The following STXBP5 variants were observed in gnomAD, a reference collection of about 807,000 sequenced individuals.
The protein encoded by STXBP5 is syntaxin-binding protein 5.
In STXBP5, 50 loss-of-function variants were observed where a neutral mutation model predicts 152.4. The ratio of observed to expected loss-of-function variants is 0.33; its 90% CI spans 0.26 to 0.42. The LOEUF is 0.42. STXBP5 is among the 10% of genes least tolerant of loss of function. The probability of loss-of-function intolerance (pLI) is 1.00; values close to 1 mark genes in which losing one functional copy is unlikely to be tolerated. For synonymous variants in STXBP5, 492 were observed against 494.7 expected (o/e 0.99, Z 0.07); for missense variants, 1,167 against 1,388.6 (o/e 0.84, Z 2.54).
At chr6:147,240,658 A>G (rs1778496524) in intron 4 of STXBP5, among the ~76,000 whole-genome samples, 1 of 152,222 alleles carries the variant, frequency 6.6e-6, no homozygotes, top group Non-Finnish European at 1.5e-5. Context: ...TGAGAACAGT[A>G]TAGTTATAAC....
intron 26 of STXBP5, among the ~76,000 whole-genome samples, chr6:147,381,748 G>A (rs1414096975): frequency 1.3e-5 from 2 of 152,062 alleles, no homozygotes; most frequent in Non-Finnish European, 2.9e-5. Context: ...AATAACCTTT[G>A]ACGTTACTCT....
intron 22 of STXBP5, among the ~76,000 whole-genome samples, chr6:147,356,858 A>G (rs531366514): frequency 5.9e-5 from 9 of 152,296 alleles, no homozygotes; most frequent in South Asian, 2.1e-4. Flanking sequence ...TTCTTTCACA[A>G]TAGCATTGAA....
intron 16 of STXBP5, among the ~76,000 whole-genome samples, chr6:147,317,941 G>A (rs570463705): frequency 5.3e-4 from 80 of 151,930 alleles, no homozygotes; most frequent in Admixed American, 1.9e-3. Flanking sequence ...TTGTCTTTGG[G>A]GCATTTTTTG....
chr6:147,339,239 G>GTA lies in STXBP5; in HGVS notation c.2206+4_2206+5dup. The GTA allele has an allele frequency of 2.0e-6, 3 of 1,530,276 alleles. No individual in the cohort carries two copies. Among genetic ancestry groups the GTA allele is most frequent in the Non-Finnish European group, 2.6e-6 (3 of 1,138,444 alleles). The allele number at this position is 1,530,276 out of a possible 1,614,324, so 94.8% of individuals were successfully genotyped here. On this transcript the variant is annotated splice_donor_variant, in intron 20 of 27. Coordinates refer to ENST00000321680, the MANE Select transcript of STXBP5 (RefSeq NM_001127715.4). LOFTEE classifies it high-confidence loss of function. The stretch of plus-strand genomic sequence containing the variant: ...AAAATGAATAATTTTATAGAAAAGG[G>GTA]TATAGTATCTTGATTTTAAAGTATT...
intron 7 of STXBP5, among the ~76,000 whole-genome samples, chr6:147,276,601 C>T (rs1780453655): frequency 1.3e-5 from 2 of 151,966 alleles, no homozygotes; most frequent in African/African-American, 2.4e-5. Context: ...TTTGTATTTT[C>T]CCTTATGAAT....
chr6:147,346,924 C>T (rs894885067), intron 21 of STXBP5, among the ~76,000 whole-genome samples: 2 of 152,176 alleles, frequency 1.3e-5, no homozygotes, highest in Non-Finnish European at 2.9e-5. Context: ...GTGAGCCCCA[C>T]GTTTCTCCCA....
intron 18 of STXBP5, chr6:147,328,908 C>T (rs373845796): frequency 7.8e-5 from 25 of 321,498 alleles, no homozygotes; most frequent in South Asian, 4.9e-4. Context: ...TTAGATTCAT[C>T]TCATGACATG....
chr6:147,244,149 A>T (rs1778684240), intron 4 of STXBP5, among the ~76,000 whole-genome samples: 1 of 152,206 alleles, frequency 6.6e-6, no homozygotes, highest in South Asian at 2.1e-4. Flanking sequence ...TAATCAAGAG[A>T]TTATTTAATG....
At chr6:147,224,514 A>T (rs1777614163) in intron 2 of STXBP5, among the ~76,000 whole-genome samples, 2 of 152,248 alleles carry the variant, frequency 1.3e-5, no homozygotes, top group African/African-American at 4.8e-5. Flanking sequence ...CCTCACACTG[A>T]TCAGGTTAAG....
chr6:147,333,871 T>C (rs928715734), intron 18 of STXBP5, among the ~76,000 whole-genome samples: 2 of 152,236 alleles, frequency 1.3e-5, no homozygotes, highest in East Asian at 3.8e-4. Context: ...TGCAGGGGTT[T>C]TTATAACGTC....
intron 11 of STXBP5, 66 bp from the exon 12 acceptor site, chr6:147,313,818 T>C: frequency 9.3e-7 from 1 of 1,078,748 alleles, no homozygotes; most frequent in Non-Finnish European, 1.3e-6. Flanking sequence ...AAGTTTTTAT[T>C]TTTGTATTAA....
rs111396740 is a variant in STXBP5, at chr6:147,307,579, A to C, written c.918-2505A>C. ...TTTTTTAAGATAATTATTAATATTT[A>C]CTCTTCAAGTTTGAGGCATTATAAT... On this transcript the variant is annotated intron_variant, in intron 9 of 27. Coordinates refer to ENST00000321680, the MANE Select transcript of STXBP5 (RefSeq NM_001127715.4). Among the ~76,000 whole-genome samples, 49 of 152,174 alleles carry C rather than the reference A, an allele frequency of 3.2e-4. 1 individual carries two copies. The highest frequency in any genetic ancestry group is 1.2e-3 in the African/African-American group (48 of 41,530).
Position 147,204,480 on chromosome 6 carries a change from C to G in STXBP5, c.-53C>G. On this transcript the variant is annotated 5_prime_UTR_variant, in exon 1 of 28. Coordinates refer to ENST00000321680, the MANE Select transcript of STXBP5 (RefSeq NM_001127715.4). The surrounding 1 kb of genome is among the most constrained non-coding windows in gnomAD (Gnocchi z 4.3). Reference sequence around the variant, plus strand: ...TCGGCCCCGGGTGGTCTCCCCCGCCCGGGGACCCCCTGTGCCTCCCCTCCC... The same window carrying G: ...TCGGCCCCGGGTGGTCTCCCCCGCCGGGGGACCCCCTGTGCCTCCCCTCCC... The G allele has an allele frequency of 1.3e-6, 2 of 1,588,258 alleles. No homozygotes were observed. The highest frequency in any genetic ancestry group is 1.7e-6 in the Non-Finnish European group (2 of 1,168,722).
chr6:147,305,743 A>T (rs1046083609), intron 9 of STXBP5, among the ~76,000 whole-genome samples: 18 of 152,226 alleles, frequency 1.2e-4, no homozygotes, highest in African/African-American at 4.3e-4. Context: ...TTCAGTAAAT[A>T]CATATGTCTC....
intron 21 of STXBP5, among the ~76,000 whole-genome samples, chr6:147,347,127 A>G (rs916355463): frequency 1.3e-5 from 2 of 152,320 alleles, no homozygotes; most frequent in South Asian, 4.1e-4. Context: ...TGAGAACTGT[A>G]TATTTTAAAT....
intron 9 of STXBP5, among the ~76,000 whole-genome samples, chr6:147,291,592 A>G (rs1212663367): frequency 6.6e-6 from 1 of 152,274 alleles, no homozygotes; most frequent in African/African-American, 2.4e-5. Flanking sequence ...TCTGCCAATT[A>G]TGAAAATAAA....
chr6:147,239,675 A>G (rs1029713725), intron 4 of STXBP5, among the ~76,000 whole-genome samples: 5 of 152,224 alleles, frequency 3.3e-5, no homozygotes, highest in African/African-American at 7.2e-5. Context: ...ATTCTGTTCT[A>G]TATAAGTGCC....
chr6:147,225,436 T>G (rs1253315896), intron 2 of STXBP5, among the ~76,000 whole-genome samples: 2 of 152,204 alleles, frequency 1.3e-5, no homozygotes, highest in Non-Finnish European at 2.9e-5. Flanking sequence ...CATTCCTAGG[T>G]TGGAAATTGA....
intron 2 of STXBP5, among the ~76,000 whole-genome samples, chr6:147,208,643 A>G (rs1776692301): frequency 6.6e-6 from 1 of 152,162 alleles, no homozygotes; most frequent in Non-Finnish European, 1.5e-5. Flanking sequence ...ACTTCTAGAT[A>G]AAGTATTTTC....
Sources: gnomAD v4.1 joint callset for allele counts (sites outside exome capture counted in the v4.1 genomes callset) on GRCh38, gnomAD v4.1.1 for gene constraint, Gnocchi (gnomAD v3.1) non-coding constraint, MANE v1.5 for transcripts, NCBI Gene and HGNC (gene_info 2026-07-23, HGNC 2026-07-21) for gene names.